SHANK2: variants seen among roughly 807,000 people sequenced by gnomAD.
The protein encoded by SHANK2 is SH3 and multiple ankyrin repeat domains protein 2.
SHANK2 carries 43 observed loss-of-function variants against 133.7 expected under a neutral mutation model. The observed-to-expected ratio is 0.32, with a 90% CI of 0.25 to 0.41. The LOEUF (loss-of-function observed/expected upper bound fraction) is 0.41, where lower values mean the gene tolerates loss of function less well. Among genes scored for constraint, SHANK2 ranks in the 10% least tolerant of loss-of-function variants. The pLI, the probability that SHANK2 is intolerant of heterozygous loss-of-function variation, is 1.00. For missense variants in SHANK2, 1,994 were observed against 2,235.8 expected (o/e 0.89, Z 2.18); for synonymous variants, 1,017 against 952.8 (o/e 1.07, Z -1.24).
At chr11:70,943,219 C>T (rs1426271627) in intron 10 of SHANK2, 2 of 385,674 alleles carry the variant, frequency 5.2e-6, no homozygotes, top group Admixed American at 6.2e-5. Context: ...CTGTCTGTGT[C>T]TGGAGGAGAT....
intron 8 of SHANK2, among the ~76,000 whole-genome samples, chr11:71,089,229 C>T (rs1951462438): frequency 6.6e-6 from 1 of 152,174 alleles, no homozygotes; most frequent in Non-Finnish European, 1.5e-5. Flanking sequence ...AAGCTCACGC[C>T]ATGCAGACGG....
At chr11:71,128,879 G>T (rs1289543706) in intron 3 of SHANK2, among the ~76,000 whole-genome samples, 2 of 152,140 alleles carry the variant, frequency 1.3e-5, no homozygotes, top group African/African-American at 4.8e-5. Context: ...CCACCTCCTG[G>T]GTTCAAGCAA....
chr11:70,801,280 T>A (rs1948039037), intron 13 of SHANK2, among the ~76,000 whole-genome samples: 1 of 152,212 alleles, frequency 6.6e-6, no homozygotes, highest in Non-Finnish European at 1.5e-5. Flanking sequence ...TCCAATGGGC[T>A]TGTACAAGGA....
chr11:70,707,355 G>C (rs909019093), intron 14 of SHANK2, among the ~76,000 whole-genome samples: 1 of 119,430 alleles, frequency 8.4e-6, no homozygotes, highest in Non-Finnish European at 1.6e-5. Flanking sequence ...CTGGGCGACA[G>C]AGTGAAAACT....
intron 11 of SHANK2, among the ~76,000 whole-genome samples, chr11:70,849,293 G>A (rs912079181): frequency 6.6e-6 from 1 of 152,172 alleles, no homozygotes; most frequent in African/African-American, 2.4e-5. Flanking sequence ...ATATTAATAT[G>A]TATACACATG....
intron 14 of SHANK2, among the ~76,000 whole-genome samples, chr11:70,769,828 G>GGTGTGT (rs59744438): frequency 4.1e-4 from 63 of 152,038 alleles, no homozygotes; most frequent in Middle Eastern, 3.4e-3. Context: ...CACGTGTGTA[G>GGTGTGT]GTGTGTGTGT....
rs117600200 is a variant in SHANK2 at position 71,233,274 on chromosome 11, C to T, written c.-112-8478G>A. On this transcript the variant is annotated intron_variant, in intron 1 of 25. Coordinates refer to ENST00000601538, the MANE Select transcript of SHANK2 (RefSeq NM_012309.5). ...CTTGTGGTCCAGCCTTAAAATGGAA[C>T]GTGATTCAGCCATCAAAAAGAATAA... 2.9e-3 allele frequency among the ~76,000 whole-genome samples: 435 copies of T among 152,246 alleles called. 3 individuals carry two copies. Among genetic ancestry groups the T allele is most frequent in the South Asian group, 0.013 (65 of 4,826 alleles).
At chr11:71,114,280 C>A (rs1402268544) in intron 4 of SHANK2, among the ~76,000 whole-genome samples, 1 of 152,190 alleles carries the variant, frequency 6.6e-6, no homozygotes, top group African/African-American at 2.4e-5. Flanking sequence ...CACTTTATCT[C>A]TCCCTCCTTA....
At chr11:70,795,249 ATC>A (rs1947881293) in intron 14 of SHANK2, among the ~76,000 whole-genome samples, 1 of 152,060 alleles carries the variant, frequency 6.6e-6, no homozygotes. Flanking sequence ...CCAGGTCCTA[ATC>A]CCTAGAACCT....
intron 3 of SHANK2, among the ~76,000 whole-genome samples, chr11:71,131,071 G>T (rs547670889): frequency 6.6e-6 from 1 of 152,278 alleles, no homozygotes; most frequent in Admixed American, 6.5e-5. Context: ...AAAGGTGCGC[G>T]CAGGCGTCTT....
At chr11:71,100,632 G>A (rs999733221) in intron 6 of SHANK2, among the ~76,000 whole-genome samples, 6 of 152,150 alleles carry the variant, frequency 3.9e-5, no homozygotes, top group Non-Finnish European at 5.9e-5. Context: ...ACATTGGGAC[G>A]CCAAGGCGGG....
chr11:70,690,278 A>G (rs1945248743), intron 15 of SHANK2, among the ~76,000 whole-genome samples: 1 of 152,132 alleles, frequency 6.6e-6, no homozygotes, highest in Non-Finnish European at 1.5e-5. Flanking sequence ...AAAAAAGGCA[A>G]TCAGAAACTC....
At chr11:70,515,650 A>AAAG (rs1554969883) in intron 17 of SHANK2, among the ~76,000 whole-genome samples, 2 of 150,848 alleles carry the variant, frequency 1.3e-5, no homozygotes, top group African/African-American at 4.9e-5. Context: ...AAAAAAAAAA[A>AAAG]AAAAAAAAAA....
chr11:70,837,551 CATTGAAG>C (rs1208507846), intron 11 of SHANK2, among the ~76,000 whole-genome samples: 1 of 152,160 alleles, frequency 6.6e-6, no homozygotes, highest in Non-Finnish European at 1.5e-5. Flanking sequence ...ATTTATTGAA[CATTGAAG>C]TTATGTTAGT....
intron 21 of SHANK2, among the ~76,000 whole-genome samples, chr11:70,495,616 A>G (rs1555156919): frequency 6.6e-6 from 1 of 152,180 alleles, no homozygotes; most frequent in African/African-American, 2.4e-5. Context: ...GAGCCAGGGC[A>G]CTGCGGGGTG....
At chr11:71,104,256 G>T (rs1449810531) in intron 6 of SHANK2, among the ~76,000 whole-genome samples, 2 of 152,140 alleles carry the variant, frequency 1.3e-5, no homozygotes, top group Non-Finnish European at 2.9e-5. Context: ...TCTTCACACA[G>T]CCAGCTGCAG....
intron 10 of SHANK2, among the ~76,000 whole-genome samples, chr11:70,949,257 G>A (rs532780244): frequency 4.6e-5 from 7 of 152,314 alleles, no homozygotes; most frequent in East Asian, 3.9e-4. Flanking sequence ...CGCCCCTCCC[G>A]GCTCCGCCCA....
rs545621771 is a variant in SHANK2 at position 70,646,650 on chromosome 11, G to A, written c.2061+13178C>T. Among the ~76,000 whole-genome samples, 20 of 152,262 alleles carry A rather than the reference G, an allele frequency of 1.3e-4. No individual in the cohort carries two copies. In the South Asian group the frequency reaches 1.7e-3, roughly 13 times the overall value. ...CCAGGCTTGAGCCTAACAAGCAGTT[G>A]CTCAAAATAACTTGGTAGATGTGTG... On this transcript the variant is annotated intron_variant, in intron 17 of 25. Coordinates refer to ENST00000601538, the MANE Select transcript of SHANK2 (RefSeq NM_012309.5).
At chr11:71,113,130 G>A (rs1555099714) in intron 5 of SHANK2, among the ~76,000 whole-genome samples, 163 bp downstream of exon 5, 1 of 152,168 alleles carries the variant, frequency 6.6e-6, no homozygotes, top group African/African-American at 2.4e-5. Flanking sequence ...TCCGCAGTGT[G>A]CACCGTAAGG....
Sources: gnomAD v4.1 joint callset for allele counts (sites outside exome capture counted in the v4.1 genomes callset) on GRCh38, gnomAD v4.1.1 for gene constraint, MANE v1.5 for transcripts, NCBI Gene and HGNC (gene_info 2026-07-23, HGNC 2026-07-21) for gene names.